The following RALB variants were observed in gnomAD, a reference collection of about 807,000 sequenced individuals.
The protein encoded by RALB is ras-related protein Ral-B.
A neutral mutation model predicts 21.3 loss-of-function variants in RALB; 16 were observed. The observed-to-expected ratio is 0.75, with a 90% CI of 0.51 to 1.14. The LOEUF is 1.14. RALB is among the 50% of genes most tolerant of loss of function. RALB has a pLI of 0.00. For missense variants in RALB, 161 were observed against 256.2 expected (o/e 0.63, Z 2.54); for synonymous variants, 93 against 96.1 (o/e 0.97, Z 0.19).
intron 1 of RALB, among the ~76,000 whole-genome samples, chr2:120,259,727 T>A (rs1329614647): frequency 6.6e-6 from 1 of 152,266 alleles, no homozygotes; most frequent in East Asian, 1.9e-4. Context: ...TGGAGCTGCC[T>A]GCCAGTCCTG....
chr2:120,277,421 G>T (rs774544525), intron 1 of RALB, among the ~76,000 whole-genome samples: 8 of 144,532 alleles, frequency 5.5e-5, no homozygotes, highest in Non-Finnish European at 8.8e-5. Flanking sequence ...GCATGTGCAT[G>T]TTAGAGCCTC....
At chr2:120,279,218 G>A (rs1689923115) in intron 2 of RALB, among the ~76,000 whole-genome samples, 1 of 152,048 alleles carries the variant, frequency 6.6e-6, no homozygotes, top group Admixed American at 6.6e-5. Flanking sequence ...GTTCTCCCGT[G>A]CGGCAAGGTA....
chr2:120,243,879 G>C (rs183409610), intron 1 of RALB, among the ~76,000 whole-genome samples: 7 of 152,160 alleles, frequency 4.6e-5, no homozygotes, highest in African/African-American at 1.7e-4. Context: ...GTGTTCCAGG[G>C]CCTGCCACAG....
chr2:120,284,461 C>T (rs1690075287), intron 2 of RALB, among the ~76,000 whole-genome samples: 1 of 151,986 alleles, frequency 6.6e-6, no homozygotes, highest in South Asian at 2.1e-4. Flanking sequence ...TGCAATGGCA[C>T]GATCTTGGTT....
chr2:120,285,894 T>C lies in RALB; in HGVS notation c.135T>C (p.Pro45=). Residue 45 remains proline (P), a synonymous_variant, in exon 3 of 5, where the codon CCT becomes CCC. Transcript: ENST00000272519. ...MYDEFVEDYE[P]TKADSYRKKV... ...CTCAGTTTGTAGAAGACTATGAACC[T>C]ACCAAAGCTGACAGTTATAGAAAGA... is the stretch of plus-strand genomic sequence containing the variant. 6.2e-7 allele frequency: 1 copy of C among 1,613,492 alleles called. No homozygotes were observed. The highest frequency in any genetic ancestry group is 1.1e-5 in the South Asian group (1 of 91,062).
At chr2:120,285,273 C>G (rs188475373) in intron 2 of RALB, among the ~76,000 whole-genome samples, 1 of 152,236 alleles carries the variant, frequency 6.6e-6, no homozygotes, top group East Asian at 1.9e-4. Context: ...GGGTACCGCC[C>G]CCATGATCTC....
chr2:120,289,666 A>C lies in RALB; in HGVS notation c.410A>C (p.Gln137Pro). ...AAGTCTGACCTAGAGGAGCGGAGGC[A>C]GGTGCCTGTGGAGGAGGCCAGGAGT... ...GNKSDLEERR[Q>P]VPVEEARSKA... Residue 137 changes from glutamine (Q) to proline (P), a missense_variant, in exon 4 of 5, where the codon CAG (glutamine) becomes CCG (proline). Coordinates refer to ENST00000272519, the MANE Select transcript of RALB (RefSeq NM_002881.3). 1.9e-6 allele frequency: 3 copies of C among 1,614,242 alleles called. No homozygotes were observed. In the South Asian group the frequency reaches 3.3e-5, roughly 18 times the overall value.
intron 1 of RALB, among the ~76,000 whole-genome samples, chr2:120,258,490 C>A (rs1397468632): frequency 6.6e-6 from 1 of 152,130 alleles, no homozygotes; most frequent in African/African-American, 2.4e-5. Context: ...GAGGCCACGG[C>A]CAGTGGAGGG....
At chr2:120,270,330 A>AT (rs1302481415) in intron 1 of RALB, among the ~76,000 whole-genome samples, 1 of 152,208 alleles carries the variant, frequency 6.6e-6, no homozygotes, top group Non-Finnish European at 1.5e-5. Context: ...AGGAAGTTGA[A>AT]TTTTAACTAT....
chr2:120,272,299 A>G (rs1689682737), intron 1 of RALB, among the ~76,000 whole-genome samples: 1 of 152,168 alleles, frequency 6.6e-6, no homozygotes, highest in Non-Finnish European at 1.5e-5. Flanking sequence ...CGCCCCACAG[A>G]TGTAGTTCTG....
intron 2 of RALB, among the ~76,000 whole-genome samples, chr2:120,283,202 AC>A (rs1430426960): frequency 6.6e-6 from 1 of 152,120 alleles, no homozygotes; most frequent in Non-Finnish European, 1.5e-5. Context: ...AGCTTGTCCA[AC>A]CTGTGGCTCA....
intron 1 of RALB, among the ~76,000 whole-genome samples, chr2:120,274,019 G>T (rs908021246): frequency 9.9e-5 from 15 of 152,204 alleles, no homozygotes; most frequent in African/African-American, 3.1e-4. Flanking sequence ...TTTGAAAACA[G>T]CAGTTCAGAA....
chr2:120,245,724 G>C (rs1574840736), intron 1 of RALB, among the ~76,000 whole-genome samples: 1 of 152,098 alleles, frequency 6.6e-6, no homozygotes, highest in Non-Finnish European at 1.5e-5. Flanking sequence ...CTCCCCCGGG[G>C]CAGGGTGTGG....
chr2:120,275,284 G>T (rs184154609), intron 1 of RALB, among the ~76,000 whole-genome samples: 1 of 152,150 alleles, frequency 6.6e-6, no homozygotes, highest in East Asian at 1.9e-4. Context: ...GTGTGCATGC[G>T]CACACATGCA....
At chr2:120,279,394 A>G (rs1689927796) in intron 2 of RALB, among the ~76,000 whole-genome samples, 1 of 152,172 alleles carries the variant, frequency 6.6e-6, no homozygotes, top group Admixed American at 6.5e-5. Context: ...CTACATCTGC[A>G]GATTCAAGCA....
chr2:120,291,978 A>G (rs1213589437), intron 4 of RALB, among the ~76,000 whole-genome samples: 2 of 152,196 alleles, frequency 1.3e-5, no homozygotes, highest in East Asian at 3.8e-4. Context: ...GGCTGTGCTC[A>G]GTCCCACACT....
At chr2:120,285,575 A>AAAAT (rs1690111583) in intron 2 of RALB, among the ~76,000 whole-genome samples, 1 of 151,860 alleles carries the variant, frequency 6.6e-6, no homozygotes, top group Non-Finnish European at 1.5e-5. Flanking sequence ...ATAATTAAAA[A>AAAAT]AGAATTCCAG....
intron 2 of RALB, among the ~76,000 whole-genome samples, chr2:120,285,033 G>A (rs1690095647): frequency 6.6e-6 from 1 of 152,118 alleles, no homozygotes; most frequent in Non-Finnish European, 1.5e-5. Flanking sequence ...TTCTCTTGAT[G>A]CTGTGAAGAA....
At chr2:120,253,123 C>T in intron 1 of RALB, 143 bp downstream of exon 1, 1 of 529,242 alleles carries the variant, frequency 1.9e-6, no homozygotes, top group Non-Finnish European at 2.4e-6. Flanking sequence ...CCGAGGCCGG[C>T]GGAGGGCGAC....
Sources: allele counts gnomAD v4.1 joint callset (sites outside exome capture counted in the v4.1 genomes callset), GRCh38; gene constraint gnomAD v4.1.1; transcripts MANE v1.5; gene names NCBI Gene and HGNC (gene_info 2026-07-23, HGNC 2026-07-21).